GMDS: variants seen among roughly 807,000 people sequenced by gnomAD.
The protein encoded by GMDS is GDP-mannose 4,6-dehydratase.
A neutral mutation model predicts 49.9 loss-of-function variants in GMDS; 20 were observed. The observed-to-expected ratio is 0.40, with a 90% confidence interval of 0.28 to 0.58. The LOEUF (loss-of-function observed/expected upper bound fraction) is 0.58, where lower values mean the gene tolerates loss of function less well. Ranked by LOEUF, GMDS falls within the 20% of genes least tolerant of loss-of-function variation. GMDS has a pLI of 0.42. For missense variants in GMDS, 362 were observed against 481.4 expected, an observed-to-expected ratio of 0.75 and a Z score of 2.32; for synonymous variants, 177 against 178.6, an observed-to-expected ratio of 0.99 and a Z score of 0.07.
chr6:2,032,012 T>C (rs777854851), intron 4 of GMDS, among the ~76,000 whole-genome samples: 1 of 152,168 alleles, frequency 6.6e-6, no homozygotes, highest in Non-Finnish European at 1.5e-5. Context: ...AATTTATAAT[T>C]GTATAATCAG....
chr6:2,154,535 C>T (rs1310483408), intron 1 of GMDS, among the ~76,000 whole-genome samples: 1 of 152,008 alleles, frequency 6.6e-6, no homozygotes, highest in East Asian at 1.9e-4. Context: ...GAAAGAAAGG[C>T]AGTGACCACA....
intron 1 of GMDS, among the ~76,000 whole-genome samples, chr6:2,165,549 C>T (rs774726433): frequency 6.6e-6 from 1 of 152,344 alleles, no homozygotes; most frequent in Non-Finnish European, 1.5e-5. Context: ...TTTACCAACA[C>T]AAATGTTAGC....
chr6:2,195,062 T>C (rs2127572083), intron 1 of GMDS, among the ~76,000 whole-genome samples: 1 of 152,350 alleles, frequency 6.6e-6, no homozygotes, highest in South Asian at 2.1e-4. Context: ...TCTGAGGTAA[T>C]TATACACACA....
At chr6:2,083,939 A>G (rs1044928596) in intron 4 of GMDS, among the ~76,000 whole-genome samples, 1 of 152,244 alleles carries the variant, frequency 6.6e-6, no homozygotes, top group Non-Finnish European at 1.5e-5. Context: ...AGCTAAAGCT[A>G]AAATATATAA....
chr6:1,682,895 A>G (rs1764832842), intron 9 of GMDS, among the ~76,000 whole-genome samples: 1 of 152,154 alleles, frequency 6.6e-6, no homozygotes, highest in African/African-American at 2.4e-5. Context: ...GGAAATCTGG[A>G]TATTTGGGTG....
intron 7 of GMDS, among the ~76,000 whole-genome samples, chr6:1,814,027 T>C (rs1770556007): frequency 6.6e-6 from 1 of 152,240 alleles, no homozygotes; most frequent in African/African-American, 2.4e-5. Flanking sequence ...TTCAGTGTTC[T>C]AAGGGAACCT....
At chr6:1,909,065 C>T (rs1760918918) in intron 7 of GMDS, among the ~76,000 whole-genome samples, 1 of 152,156 alleles carries the variant, frequency 6.6e-6, no homozygotes, top group Admixed American at 6.5e-5. Context: ...ATATTAGTCA[C>T]ACCGGTCAAG....
At chr6:1,723,345 T>A (rs1410538438) in intron 9 of GMDS, among the ~76,000 whole-genome samples, 4 of 111,894 alleles carry the variant, frequency 3.6e-5, no homozygotes, top group African/African-American at 1.4e-4. Flanking sequence ...TTTTTTTTTT[T>A]AGACGGAGTC....
chr6:1,763,147 G>A (rs1246677822), intron 7 of GMDS, among the ~76,000 whole-genome samples: 1 of 152,164 alleles, frequency 6.6e-6, no homozygotes, highest in East Asian at 1.9e-4. Flanking sequence ...AGGCTGACTG[G>A]TGCTGTGGAC....
chr6:1,640,326 T>C lies in GMDS; in HGVS notation c.988-15786A>G, dbSNP rs903076972. 1.3e-5 allele frequency among the ~76,000 whole-genome samples: 2 copies of C among 152,216 alleles called. No homozygotes were observed. Among genetic ancestry groups the C allele is most frequent in the South Asian group, 2.1e-4 (1 of 4,834 alleles). On this transcript the variant is annotated intron_variant, in intron 9 of 10. Coordinates refer to ENST00000380815, the MANE Select transcript of GMDS (RefSeq NM_001500.4). The surrounding 1 kb of genome is among the most constrained non-coding windows in gnomAD (Gnocchi z 4.0). The stretch of plus-strand genomic sequence containing the variant: ...GGATTTAGGGTCACAGAGACTTAGG[T>C]TGACACTAGATTCACCACGTTTGAG...
At chr6:2,096,556 C>T (rs1773613496) in intron 4 of GMDS, among the ~76,000 whole-genome samples, 1 of 152,114 alleles carries the variant, frequency 6.6e-6, no homozygotes, top group Non-Finnish European at 1.5e-5. Flanking sequence ...AGGAGCATGA[C>T]AAGCTAAGTA....
At chr6:2,020,251 T>A (rs1768195740) in intron 4 of GMDS, among the ~76,000 whole-genome samples, 1 of 152,070 alleles carries the variant, frequency 6.6e-6, no homozygotes, top group African/African-American at 2.4e-5. Flanking sequence ...ATTGAAATTG[T>A]CAACATTGAA....
chr6:1,902,234 T>C (rs767811507), intron 7 of GMDS, among the ~76,000 whole-genome samples: 42 of 152,216 alleles, frequency 2.8e-4, no homozygotes, highest in Non-Finnish European at 4.9e-4. Flanking sequence ...AGACACATTG[T>C]CCTAGGCCAT....
chr6:1,763,822 G>C (rs1400864362), intron 7 of GMDS, among the ~76,000 whole-genome samples: 4 of 152,208 alleles, frequency 2.6e-5, no homozygotes, highest in African/African-American at 9.7e-5. Flanking sequence ...AGGACCACTA[G>C]TGAAAGTAGT....
At chr6:2,006,136 A>C (rs1742880876) in intron 4 of GMDS, among the ~76,000 whole-genome samples, 1 of 151,954 alleles carries the variant, frequency 6.6e-6, no homozygotes, top group African/African-American at 2.4e-5. Context: ...GAAACATAAA[A>C]ATTGGCCAGG....
At chr6:2,024,652 T>C (rs1232476246) in intron 4 of GMDS, among the ~76,000 whole-genome samples, 2 of 151,226 alleles carry the variant, frequency 1.3e-5, no homozygotes, top group Non-Finnish European at 2.9e-5. Flanking sequence ...CCAACAGCCA[T>C]GGAAAAGGAA....
intron 7 of GMDS, among the ~76,000 whole-genome samples, chr6:1,817,011 T>G (rs575544482): frequency 1.3e-5 from 2 of 150,144 alleles, no homozygotes; most frequent in East Asian, 3.9e-4. Flanking sequence ...CTAAAAAAAT[T>G]TGTCATTAGT....
chr6:2,175,138 T>C (rs1778211510), intron 1 of GMDS, among the ~76,000 whole-genome samples: 1 of 152,186 alleles, frequency 6.6e-6, no homozygotes, highest in Non-Finnish European at 1.5e-5. Flanking sequence ...GGTTGGATGA[T>C]TTGGGGATCT....
At chr6:2,125,619 T>C (rs567638887) in intron 1 of GMDS, among the ~76,000 whole-genome samples, 1 of 151,444 alleles carries the variant, frequency 6.6e-6, no homozygotes, top group East Asian at 1.9e-4. Flanking sequence ...AAAAAATCAC[T>C]GGGGAAGGGG....
Sources: gnomAD v4.1 joint callset for allele counts (sites outside exome capture counted in the v4.1 genomes callset) on GRCh38, gnomAD v4.1.1 for gene constraint, Gnocchi (gnomAD v3.1) non-coding constraint, MANE v1.5 for transcripts, NCBI Gene and HGNC (gene_info 2026-07-23, HGNC 2026-07-21) for gene names.